The following PPP1R10 variants were observed in gnomAD, a reference collection of about 807,000 sequenced individuals.
The protein encoded by PPP1R10 is protein phosphatase 1 regulatory subunit 10, also known as serine/threonine-protein phosphatase 1 regulatory subunit 10.
In PPP1R10, 15 loss-of-function variants were observed where a neutral mutation model predicts 99.0. The observed-to-expected ratio is 0.15, with a 90% CI of 0.10 to 0.23. The LOEUF (loss-of-function observed/expected upper bound fraction) is 0.23. PPP1R10 is among the 10% of genes least tolerant of loss of function. The pLI is 1.00. For synonymous variants in PPP1R10, 430 were observed against 449.5 expected (o/e 0.96, Z 0.55); for missense variants, 947 against 1,259.4 (o/e 0.75, Z 3.75).
In PPP1R10 at chr6:30,606,323, G is replaced by C; in HGVS notation, c.635-80C>G. 9 of 1,576,300 alleles carry C rather than the reference G, an allele frequency of 5.7e-6. No individual in the cohort carries two copies. The highest frequency in any genetic ancestry group is 1.1e-5 in the South Asian group (1 of 88,762). On this transcript the variant is annotated intron_variant, in intron 8 of 19. Transcript: ENST00000376511. This position sits in a 1 kb window ranked among gnomAD's most constrained non-coding sequence, Gnocchi z 6.3. ...TTTCCTCCCGTTCTCACCCGCAAAT[G>C]TTCTTCTAGCCTTGTAACCAAAGCT...
In PPP1R10 at chr6:30,601,486, CAG is replaced by C. The variant is rs956399339; in HGVS notation, c.*61_*62del. On this transcript the variant is annotated 3_prime_UTR_variant, in exon 20 of 20. Coordinates refer to ENST00000376511, the MANE Select transcript of PPP1R10 (RefSeq NM_002714.4). Reference sequence around the variant, plus strand: ...AAAATGGGCCTCACAGAAGCCATAACAGGGTGGAAAGAGCGAGGCTGCAGTCC... The same window carrying C: ...AAAATGGGCCTCACAGAAGCCATAACGGTGGAAAGAGCGAGGCTGCAGTCC... 8.4e-5 allele frequency: 119 copies of C among 1,408,794 alleles called. 1 individual carries two copies. In the African/African-American group the frequency reaches 9.5e-4, roughly 11 times the overall value. The allele number at this position is 1,408,794 out of a possible 1,614,324, so 87.3% of individuals were successfully genotyped here.
chr6:30,604,781 G>A lies in PPP1R10; in HGVS notation c.955-46C>T, dbSNP rs1317801908. On this transcript the variant is annotated intron_variant, in intron 11 of 19. Transcript: ENST00000376511. This position sits in a 1 kb window ranked among gnomAD's most constrained non-coding sequence, Gnocchi z 7.3. ...GTTAATGAACTGACTGGAAAGCCAA[G>A]GGCAAGGCAATTAGTCCAGGGTCCC... is the stretch of plus-strand genomic sequence containing the variant. 4 of 1,611,600 alleles carry A rather than the reference G, an allele frequency of 2.5e-6. No homozygotes were observed. The East Asian group carries it at 8.9e-5, about 36-fold the overall frequency.
chr6:30,611,832 G>C (rs576474756), intron 2 of PPP1R10, among the ~76,000 whole-genome samples: 124 of 152,238 alleles, frequency 8.1e-4, no homozygotes, highest in South Asian at 7.7e-3. Context: ...TGAGGTCAGA[G>C]AAAAAACATT....
chr6:30,614,300 G>A (rs575309481), intron 2 of PPP1R10, among the ~76,000 whole-genome samples: 21 of 145,094 alleles, frequency 1.4e-4, no homozygotes, highest in African/African-American at 4.8e-4. Flanking sequence ...GCTCTTTGGG[G>A]AAAAAAAAAA....
In PPP1R10 at chr6:30,604,742, T is replaced by C. The variant is rs1407054487; in HGVS notation, c.955-7A>G. 1.9e-6 allele frequency: 3 copies of C among 1,612,654 alleles called. No homozygotes were observed. The highest frequency in any genetic ancestry group is 1.6e-4 in the Middle Eastern group (1 of 6,084). On this transcript the variant is annotated splice_polypyrimidine_tract_variant and splice_region_variant and intron_variant, in intron 11 of 19. Coordinates refer to ENST00000376511, the MANE Select transcript of PPP1R10 (RefSeq NM_002714.4). This position sits in a 1 kb window ranked among gnomAD's most constrained non-coding sequence, Gnocchi z 7.3. ...TCCCTTCAAAGGGGCTTGGCTATTG[T>C]GAAAGAAAAGGAAGTTAATGAACTG...
chr6:30,603,494 T>G lies in PPP1R10; in HGVS notation c.1745A>C (p.Gln582Pro). 1.9e-6 allele frequency: 3 copies of G among 1,611,772 alleles called. No individual in the cohort carries two copies. The highest frequency in any genetic ancestry group is 2.5e-6 in the Non-Finnish European group (3 of 1,179,032). Residue 582 changes from glutamine (Q) to proline (P), a missense_variant, in exon 16 of 20, where the codon CAA becomes CCA. Transcript: ENST00000376511. ...QGPGGGGINVQEILTSIMGSP... is the reference protein window; with the variant it reads ...QGPGGGGINVPEILTSIMGSP... ...TACCATGATGGAGGTGAGGATCTCTTGGACATTAATGCCTCCTCCTCCAGG... is the reference window on the plus strand; with the variant it reads ...TACCATGATGGAGGTGAGGATCTCTGGGACATTAATGCCTCCTCCTCCAGG...
Position 30,609,238 on chromosome 6 carries a change from CT to C in PPP1R10, c.108-76del. ...CTTAGCAAAAGCGCCTCTCTGTGAA[CT>C]GCCTAGAGATTCCTAATGACTTGGG... On this transcript the variant is annotated intron_variant, in intron 3 of 19. Transcript: ENST00000376511. The surrounding 1 kb of genome is among the most constrained non-coding windows in gnomAD (Gnocchi z 4.5). 7.3e-7 allele frequency: 1 copy of C among 1,376,436 alleles called. No individual in the cohort carries two copies. Among genetic ancestry groups the C allele is most frequent in the Non-Finnish European group, 1.0e-6 (1 of 971,778 alleles). The allele number at this position is 1,376,436 out of a possible 1,614,324, so 85.3% of individuals were successfully genotyped here.
chr6:30,602,969 A>G lies in PPP1R10; in HGVS notation c.1844-10T>C, dbSNP rs768411031. On this transcript the variant is annotated splice_polypyrimidine_tract_variant and intron_variant, in intron 17 of 19. Transcript: ENST00000376511. The surrounding 1 kb of genome is among the most constrained non-coding windows in gnomAD (Gnocchi z 6.7). ...AGGAGTCCATGTGGCACTGTTAATG[A>G]AAACAAGAGTAACACAGCATGAGCA... The G allele has an allele frequency of 6.5e-7, 1 of 1,533,364 alleles. No homozygotes were observed. The highest frequency in any genetic ancestry group is 8.8e-7 in the Non-Finnish European group (1 of 1,136,758). 95.0% of individuals were successfully genotyped at this position (1,533,364 alleles called of 1,614,324 possible).
Position 30,603,804 on chromosome 6 carries a change from G to T in PPP1R10, c.1548C>A (p.Pro516=). 6.5e-7 allele frequency: 1 copy of T among 1,542,434 alleles called. No individual in the cohort carries two copies. The highest frequency in any genetic ancestry group is 2.1e-5 in the Admixed American group (1 of 48,032). ...EPDPEPYEPI[P]PKLIPLDEEC... is the part of the protein sequence containing the mutation. ...CCTCATCTAGGGGGATGAGTTTAGG[G>T]GGTATGGGCTCGTAGGGCTCAGGAT... is the stretch of plus-strand genomic sequence containing the variant. Residue 516 remains proline (P), a synonymous_variant, in exon 15 of 20, where the codon CCC becomes CCA. Coordinates refer to ENST00000376511, the MANE Select transcript of PPP1R10 (RefSeq NM_002714.4).
chr6:30,601,726 T>C, intron 19 of PPP1R10, 68 bp from the exon 20 acceptor site: 1 of 1,444,090 alleles, frequency 6.9e-7, no homozygotes, highest in South Asian at 1.2e-5. Context: ...CACCACCCCT[T>C]GTCCATGACA....
chr6:30,617,218 A>C lies in PPP1R10; in HGVS notation c.-533+6T>G, dbSNP rs1203658288. The stretch of plus-strand genomic sequence containing the variant: ...ACCCACTAGACGACAAAGTAGGCAA[A>C]CTTACCTCTAAACGAACCCCAGAAT... On this transcript the variant is annotated splice_donor_region_variant and intron_variant, in intron 1 of 19. Coordinates refer to ENST00000376511, the MANE Select transcript of PPP1R10 (RefSeq NM_002714.4). 4 of 153,410 alleles carry C rather than the reference A, an allele frequency of 2.6e-5. No individual in the cohort carries two copies. The highest frequency in any genetic ancestry group is 5.8e-5 in the Non-Finnish European group (4 of 68,486). The allele number at this position is 153,410 out of a possible 1,614,324, so 9.5% of individuals were successfully genotyped here. A position where few individuals can be genotyped will look rare whatever the true frequency, so the allele number is the denominator to read the frequency against.
At chr6:30,603,365 T>G in intron 16 of PPP1R10, 80 bp from the exon 17 acceptor site, 1 of 1,575,290 alleles carries the variant, frequency 6.3e-7, no homozygotes, top group Non-Finnish European at 8.7e-7. Context: ...AGATTAGGGG[T>G]AAGTGGGTAG....
chr6:30,601,692 A>T (rs1326211257), intron 19 of PPP1R10, 34 bp from the exon 20 acceptor site: 1 of 1,587,156 alleles, frequency 6.3e-7, no homozygotes, highest in Non-Finnish European at 8.6e-7. Context: ...TTAGACAGGA[A>T]ATAGCTGAGG....
intron 15 of PPP1R10, 30 bp downstream of exon 15, chr6:30,603,750 A>C (rs1561832551): frequency 1.3e-6 from 2 of 1,543,834 alleles, no homozygotes; most frequent in Non-Finnish European, 8.7e-7. Flanking sequence ...TGACCATCAC[A>C]ACTTCCATCA....
intron 2 of PPP1R10, among the ~76,000 whole-genome samples, chr6:30,612,551 TTAAA>T (rs1424039365): frequency 4.6e-5 from 7 of 152,206 alleles, no homozygotes; most frequent in Non-Finnish European, 8.8e-5. Context: ...AAAATTAGCG[TTAAA>T]TATTCATTTT....
chr6:30,607,228 A>G (rs1355905213), intron 6 of PPP1R10, among the ~76,000 whole-genome samples: 1 of 152,236 alleles, frequency 6.6e-6, no homozygotes, highest in Non-Finnish European at 1.5e-5. Flanking sequence ...GAACTTATAC[A>G]TGTAACCAAA....
In PPP1R10 at chr6:30,601,344, C is replaced by T; in HGVS notation, c.*205G>A. 2 of 578,206 alleles carry T rather than the reference C, an allele frequency of 3.5e-6. No homozygotes were observed. Among genetic ancestry groups the T allele is most frequent in the South Asian group, 4.4e-5 (2 of 45,484 alleles). 35.8% of individuals were successfully genotyped at this position (578,206 alleles called of 1,614,324 possible). A position where few individuals can be genotyped will look rare whatever the true frequency, so the allele number is the denominator to read the frequency against. On this transcript the variant is annotated 3_prime_UTR_variant, in exon 20 of 20. Coordinates refer to ENST00000376511, the MANE Select transcript of PPP1R10 (RefSeq NM_002714.4). ...GTCCAGGAACGTTTCCAGTCTCTCT[C>T]CTCCCCAGACTGGAGGAAAATATGT... is the stretch of plus-strand genomic sequence containing the variant.
chr6:30,608,591 G>A (rs1010479027), intron 5 of PPP1R10, among the ~76,000 whole-genome samples, 188 bp downstream of exon 5: 15 of 152,094 alleles, frequency 9.9e-5, no homozygotes, highest in Non-Finnish European at 2.1e-4. Flanking sequence ...GTGAGCCACC[G>A]TGCCCAGCCG....
intron 2 of PPP1R10, among the ~76,000 whole-genome samples, chr6:30,613,230 G>A (rs1429476710): frequency 6.6e-6 from 1 of 152,174 alleles, no homozygotes; most frequent in Non-Finnish European, 1.5e-5. Flanking sequence ...AAAATATCCA[G>A]CATAGCTAAA....
Sources: allele counts gnomAD v4.1 joint callset (sites outside exome capture counted in the v4.1 genomes callset), GRCh38; gene constraint gnomAD v4.1.1; non-coding constraint Gnocchi (gnomAD v3.1); transcripts MANE v1.5; gene names NCBI Gene and HGNC (gene_info 2026-07-23, HGNC 2026-07-21).